CTNND2: variants seen among roughly 807,000 people sequenced by gnomAD.
CTNND2 encodes catenin delta 2.
Under a neutral mutation model 144.4 loss-of-function variants are expected in CTNND2, and 22 were observed. The observed-to-expected ratio is 0.15, with a 90% confidence interval of 0.11 to 0.22. CTNND2 has a LOEUF of 0.22. Among genes scored for constraint, CTNND2 ranks in the 10% least tolerant of loss-of-function variants. The pLI is 1.00. For missense variants in CTNND2, 1,353 were observed against 1,618.8 expected (o/e 0.84, Z 2.82); for synonymous variants, 751 against 695.6 (o/e 1.08, Z -1.25).
chr5:11,410,800 T>C (rs9312770), intron 5 of CTNND2, among the ~76,000 whole-genome samples: 17,496 of 152,082 alleles, frequency 0.12, 1,964 homozygotes, highest in African/African-American at 0.29. Flanking sequence ...TTTTTTTTCC[T>C]ATTTTGTCAT....
At chr5:11,369,748 GATA>G (rs1757294202) in intron 7 of CTNND2, among the ~76,000 whole-genome samples, 1 of 152,108 alleles carries the variant, frequency 6.6e-6, no homozygotes, top group Non-Finnish European at 1.5e-5. Context: ...TGAGAAAAGA[GATA>G]AAGTGTCAGG....
chr5:11,658,636 A>G (rs973436802), intron 2 of CTNND2, among the ~76,000 whole-genome samples: 13 of 152,184 alleles, frequency 8.5e-5, no homozygotes, highest in African/African-American at 3.1e-4. Context: ...AAAACATTAC[A>G]GTCAATGTCT....
chr5:11,834,820 T>C (rs1454260025), intron 1 of CTNND2, among the ~76,000 whole-genome samples: 2 of 152,130 alleles, frequency 1.3e-5, no homozygotes, highest in East Asian at 1.9e-4. Context: ...ATATCCCTCA[T>C]AGAAAACATA....
At chr5:11,585,421 T>TA (rs1254335336) in intron 2 of CTNND2, among the ~76,000 whole-genome samples, 2 of 152,040 alleles carry the variant, frequency 1.3e-5, no homozygotes, top group Non-Finnish European at 1.5e-5. Context: ...AAAATGTATT[T>TA]TTTCTAACAC....
chr5:11,489,426 A>G (rs1474123503), intron 3 of CTNND2, among the ~76,000 whole-genome samples: 2 of 152,184 alleles, frequency 1.3e-5, no homozygotes, highest in East Asian at 1.9e-4. Context: ...AATTTGTAAG[A>G]CATAAAAATA....
intron 3 of CTNND2, among the ~76,000 whole-genome samples, chr5:11,438,507 T>G (rs1258204288): frequency 1.3e-5 from 2 of 152,202 alleles, no homozygotes; most frequent in Non-Finnish European, 2.9e-5. Flanking sequence ...GTACCTAATT[T>G]CAGAGTCACA....
chr5:11,883,899 T>A (rs992764096), intron 1 of CTNND2, among the ~76,000 whole-genome samples: 4 of 152,242 alleles, frequency 2.6e-5, no homozygotes, highest in Non-Finnish European at 5.9e-5. Flanking sequence ...GGTATCTCAT[T>A]GTGGTTTTGA....
chr5:11,824,060 A>G (rs1793469106), intron 1 of CTNND2, among the ~76,000 whole-genome samples: 1 of 143,870 alleles, frequency 7.0e-6, no homozygotes, highest in Non-Finnish European at 1.5e-5. Flanking sequence ...TCATGATTGC[A>G]CCACTGTACT....
chr5:11,527,242 T>TA (rs566738264), intron 3 of CTNND2, among the ~76,000 whole-genome samples: 9 of 150,780 alleles, frequency 6.0e-5, no homozygotes, highest in South Asian at 2.1e-4. Context: ...TTTACCACAA[T>TA]AAAAAAAAAG....
chr5:11,139,322 T>C (rs1474837362), intron 12 of CTNND2, among the ~76,000 whole-genome samples: 1 of 152,220 alleles, frequency 6.6e-6, no homozygotes, highest in Non-Finnish European at 1.5e-5. Context: ...CCAAGAAGCC[T>C]GTCTGCATCC....
At chr5:11,019,227 T>G (rs1741968859) in intron 17 of CTNND2, among the ~76,000 whole-genome samples, 2 of 143,074 alleles carry the variant, frequency 1.4e-5, no homozygotes, top group Admixed American at 7.0e-5. Context: ...TCCTTTGACT[T>G]AAAGACAGAG....
At chr5:11,489,844 C>T (rs989928284) in intron 3 of CTNND2, among the ~76,000 whole-genome samples, 1 of 152,144 alleles carries the variant, frequency 6.6e-6, no homozygotes, top group African/African-American at 2.4e-5. Flanking sequence ...GTGTGTGAAA[C>T]AACAACTTAG....
chr5:11,477,833 T>C (rs193238244), intron 3 of CTNND2, among the ~76,000 whole-genome samples: 118 of 152,248 alleles, frequency 7.8e-4, no homozygotes, highest in Non-Finnish European at 1.6e-3. Context: ...CTTAGAAAAG[T>C]TGGGTGGTAA....
At chr5:11,811,240 C>G (rs1028823741) in intron 1 of CTNND2, among the ~76,000 whole-genome samples, 2 of 152,086 alleles carry the variant, frequency 1.3e-5, no homozygotes, top group South Asian at 4.1e-4. Context: ...ATAGCACCAC[C>G]ATACAGCTTA....
At chr5:11,840,966 T>C (rs989628557) in intron 1 of CTNND2, among the ~76,000 whole-genome samples, 5 of 152,152 alleles carry the variant, frequency 3.3e-5, no homozygotes, top group Admixed American at 1.3e-4. Flanking sequence ...AAAACTACTA[T>C]AACAAACTTT....
chr5:11,284,358 C>T (rs181115535), intron 9 of CTNND2, among the ~76,000 whole-genome samples: 1 of 152,216 alleles, frequency 6.6e-6, no homozygotes, highest in Non-Finnish European at 1.5e-5. Context: ...CACCTATCAA[C>T]CTATCACCTA....
At chr5:11,160,994 T>C (rs937633668) in intron 11 of CTNND2, among the ~76,000 whole-genome samples, 3 of 152,228 alleles carry the variant, frequency 2.0e-5, no homozygotes, top group African/African-American at 7.2e-5. Context: ...CTCAACTGTC[T>C]TTAGAAATAC....
chr5:11,884,640 G>C (rs1405647136), intron 1 of CTNND2, among the ~76,000 whole-genome samples: 2 of 151,834 alleles, frequency 1.3e-5, no homozygotes, highest in African/African-American at 4.8e-5. Context: ...TTCCAATTTG[G>C]ATGCACTTTA....
At chr5:11,395,828 A>G (rs1760059917) in intron 6 of CTNND2, among the ~76,000 whole-genome samples, 2 of 152,256 alleles carry the variant, frequency 1.3e-5, no homozygotes, top group South Asian at 4.1e-4. Context: ...TGCTTCAATA[A>G]TGTGAATGTC....
Sources: allele counts gnomAD v4.1 joint callset (sites outside exome capture counted in the v4.1 genomes callset), GRCh38; gene constraint gnomAD v4.1.1; transcripts MANE v1.5; gene names NCBI Gene and HGNC (gene_info 2026-07-23, HGNC 2026-07-21).